Variants in ADCY2 observed in about 807,000 individuals in gnomAD.
The protein encoded by ADCY2 is adenylate cyclase 2, also known as adenylate cyclase type 2.
Under a neutral mutation model 125.2 loss-of-function variants are expected in ADCY2, and 31 were observed. The observed-to-expected ratio is 0.25, with a 90% CI of 0.19 to 0.33. The LOEUF (loss-of-function observed/expected upper bound fraction) is 0.33, where lower values mean the gene tolerates loss of function less well. ADCY2 is among the 10% of genes least tolerant of loss of function. The pLI is 1.00. For synonymous variants in ADCY2, 512 were observed against 548.4 expected (o/e 0.93, Z 0.93); for missense variants, 904 against 1,418.2 (o/e 0.64, Z 5.82).
At chr5:7,475,537 A>G (rs1282822105) in intron 2 of ADCY2, among the ~76,000 whole-genome samples, 2 of 152,102 alleles carry the variant, frequency 1.3e-5, no homozygotes, top group Admixed American at 6.5e-5. Context: ...ACGCGCCAAC[A>G]CGTCTGGCCA....
intron 16 of ADCY2, among the ~76,000 whole-genome samples, chr5:7,764,565 T>C (rs933327272): frequency 6.6e-6 from 1 of 152,220 alleles, no homozygotes; most frequent in Admixed American, 6.5e-5. Flanking sequence ...AAAAATGTAA[T>C]TCTGATATGT....
chr5:7,426,461 A>G (rs1384070196), intron 2 of ADCY2, among the ~76,000 whole-genome samples: 1 of 152,206 alleles, frequency 6.6e-6, no homozygotes, highest in Non-Finnish European at 1.5e-5. Context: ...CTCACATGTC[A>G]GAAGAGATGG....
Position 7,654,101 on chromosome 5 carries a change from A to G in ADCY2, c.720+27785A>G, listed in dbSNP as rs149341981. On this transcript the variant is annotated intron_variant, in intron 4 of 24. Coordinates refer to ENST00000338316, the MANE Select transcript of ADCY2 (RefSeq NM_020546.3). ...TACCACCCTGAGGCTGGGCGCAGTCACCACGGGACTCCTGACATTCAGAGA... is the reference window on the plus strand; with the variant it reads ...TACCACCCTGAGGCTGGGCGCAGTCGCCACGGGACTCCTGACATTCAGAGA... The G allele has an allele frequency of 1.5e-3, 678 of 456,264 alleles. 2 individuals carry two copies. The highest frequency in any genetic ancestry group is 0.012 in the African/African-American group (605 of 50,196). 28.3% of individuals were successfully genotyped at this position (456,264 alleles called of 1,614,324 possible). A position where few individuals can be genotyped will look rare whatever the true frequency, so the allele number is the denominator to read the frequency against.
intron 4 of ADCY2, among the ~76,000 whole-genome samples, chr5:7,672,816 T>G (rs1180761517): frequency 6.6e-6 from 1 of 152,142 alleles, no homozygotes; most frequent in South Asian, 2.1e-4. Context: ...AGTGGCAGAG[T>G]TGGGTAGTCA....
intron 4 of ADCY2, among the ~76,000 whole-genome samples, chr5:7,628,147 T>C (rs1372338865): frequency 6.6e-6 from 1 of 152,188 alleles, no homozygotes; most frequent in Non-Finnish European, 1.5e-5. Context: ...TCATGGGTGG[T>C]CCTGCTGTAG....
chr5:7,544,486 C>T (rs933896328), intron 3 of ADCY2, among the ~76,000 whole-genome samples: 29 of 152,306 alleles, frequency 1.9e-4, no homozygotes, highest in African/African-American at 6.5e-4. Context: ...CTCTTTCATA[C>T]TCCTGCCTCC....
chr5:7,425,248 G>T (rs1284739863), intron 2 of ADCY2, among the ~76,000 whole-genome samples: 5 of 152,194 alleles, frequency 3.3e-5, no homozygotes, highest in Admixed American at 6.5e-5. Context: ...GAGGAAAAAT[G>T]TTCTCTGAGT....
intron 2 of ADCY2, among the ~76,000 whole-genome samples, chr5:7,462,641 G>A (rs886785424): frequency 1.6e-4 from 24 of 152,158 alleles, no homozygotes; most frequent in African/African-American, 5.8e-4. Context: ...CTAAAGATTT[G>A]GAACTACCTT....
Position 7,772,917 on chromosome 5 carries a change from C to G in ADCY2, c.2215-15C>G. 6.2e-7 allele frequency: 1 copy of G among 1,612,438 alleles called. No homozygotes were observed. The highest frequency in any genetic ancestry group is 8.5e-7 in the Non-Finnish European group (1 of 1,178,774). ...GAGATCCTAAGTATCTGTCTGGTGT[C>G]CTTCCCTGTTTCAGTACTTTATCTA... On this transcript the variant is annotated splice_polypyrimidine_tract_variant and intron_variant, in intron 17 of 24. Coordinates refer to ENST00000338316, the MANE Select transcript of ADCY2 (RefSeq NM_020546.3).
In ADCY2 at chr5:7,703,415, A is replaced by C. The variant is rs570048935; in HGVS notation, c.1110-3329A>C. On this transcript the variant is annotated intron_variant, in intron 7 of 24. Transcript: ENST00000338316. Reference sequence around the variant, plus strand: ...TTAATTTTTGTATAAGGTGTAAGGAAGGGATCCAGTTTCGGCTTTCTACAT... The same window carrying C: ...TTAATTTTTGTATAAGGTGTAAGGACGGGATCCAGTTTCGGCTTTCTACAT... Among the ~76,000 whole-genome samples the C allele has an allele frequency of 2.0e-5, 3 of 151,810 alleles. No individual in the cohort carries two copies. In the South Asian group the frequency reaches 6.2e-4, roughly 32 times the overall value.
intron 3 of ADCY2, among the ~76,000 whole-genome samples, chr5:7,616,635 A>G (rs1737771952): frequency 6.6e-6 from 1 of 152,226 alleles, no homozygotes; most frequent in African/African-American, 2.4e-5. Context: ...TTTCTGCAAG[A>G]GTTACCAGCC....
chr5:7,555,156 A>G (rs1452697346), intron 3 of ADCY2, among the ~76,000 whole-genome samples: 1 of 152,204 alleles, frequency 6.6e-6, no homozygotes, highest in African/African-American at 2.4e-5. Flanking sequence ...TTACTGTTAT[A>G]TGATGGCCCT....
intron 3 of ADCY2, among the ~76,000 whole-genome samples, chr5:7,538,296 G>A (rs1463018694): frequency 6.6e-6 from 1 of 152,116 alleles, no homozygotes; most frequent in Non-Finnish European, 1.5e-5. Context: ...TGCATGAATT[G>A]GTTGTATGAA....
chr5:7,539,355 T>TA (rs3033075), intron 3 of ADCY2, among the ~76,000 whole-genome samples: 29,559 of 147,468 alleles, frequency 0.2, 3,095 homozygotes, highest in East Asian at 0.3. Flanking sequence ...TGCATGGGAT[T>TA]AAAAAAAAAA....
At chr5:7,753,458 AT>A (rs1347371546) in intron 15 of ADCY2, among the ~76,000 whole-genome samples, 4 of 152,216 alleles carry the variant, frequency 2.6e-5, no homozygotes, top group African/African-American at 9.7e-5. Flanking sequence ...CACAGCAGGC[AT>A]TTTCTCATTT....
At chr5:7,438,087 C>T (rs1390566073) in intron 2 of ADCY2, among the ~76,000 whole-genome samples, 1 of 152,088 alleles carries the variant, frequency 6.6e-6, no homozygotes, top group Non-Finnish European at 1.5e-5. Flanking sequence ...TGTGTGGTAG[C>T]CTGGCTGGCT....
At chr5:7,578,174 T>C (rs777802126) in intron 3 of ADCY2, among the ~76,000 whole-genome samples, 9 of 152,228 alleles carry the variant, frequency 5.9e-5, no homozygotes, top group Non-Finnish European at 1.3e-4. Context: ...TGTTGAAAGA[T>C]ACATGAAAGG....
At chr5:7,694,118 G>GTGTCCC (rs1740811434) in intron 5 of ADCY2, among the ~76,000 whole-genome samples, 1 of 152,118 alleles carries the variant, frequency 6.6e-6, no homozygotes, top group Admixed American at 6.5e-5. Flanking sequence ...CCCACAGATC[G>GTGTCCC]TGTCCCTCAG....
At chr5:7,679,798 A>T (rs1162131377) in intron 4 of ADCY2, among the ~76,000 whole-genome samples, 1 of 152,214 alleles carries the variant, frequency 6.6e-6, no homozygotes, top group Non-Finnish European at 1.5e-5. Flanking sequence ...TCTGCATGTG[A>T]CAGAGACCAA....
Sources: allele counts gnomAD v4.1 joint callset (sites outside exome capture counted in the v4.1 genomes callset), GRCh38; gene constraint gnomAD v4.1.1; transcripts MANE v1.5; gene names NCBI Gene and HGNC (gene_info 2026-07-23, HGNC 2026-07-21).